The following SPAG16 variants were observed in gnomAD, a reference collection of about 807,000 sequenced individuals.
SPAG16 encodes the protein sperm-associated antigen 16 protein.
Under a neutral mutation model 80.4 loss-of-function variants are expected in SPAG16, and 86 were observed. That is an observed-to-expected ratio of 1.07 (90% CI 0.90 to 1.28). The LOEUF is 1.28. SPAG16 is among the 50% of genes most tolerant of loss of function. The pLI, the probability that SPAG16 is intolerant of heterozygous loss-of-function variation, is 0.00. For synonymous variants in SPAG16, 294 were observed against 265.9 expected (o/e 1.11, Z -1.03); for missense variants, 870 against 765.3 (o/e 1.14, Z -1.61).
At chr2:213,504,086 A>G (rs1488793212) in intron 10 of SPAG16, among the ~76,000 whole-genome samples, 1 of 152,192 alleles carries the variant, frequency 6.6e-6, no homozygotes, top group African/African-American at 2.4e-5. Flanking sequence ...TCTGATTGGC[A>G]TTATCTTCAC....
rs893260866 is a variant in SPAG16 at position 213,558,870 on chromosome 2, T to C, written c.1070+68780T>C. Among the ~76,000 whole-genome samples, 4 of 152,270 alleles carry C rather than the reference T, an allele frequency of 2.6e-5. No homozygotes were observed. The South Asian group carries it at 8.3e-4, about 32-fold the overall frequency. On this transcript the variant is annotated intron_variant, in intron 10 of 15. Coordinates refer to ENST00000331683, the MANE Select transcript of SPAG16 (RefSeq NM_024532.5). ...TATTTACTTTTTTGCTCTTCTCTCC[T>C]CTCTCATCTTTCCTGAGATGTTTCA... is the stretch of plus-strand genomic sequence containing the variant.
At chr2:213,674,955 A>G (rs1391086739) in intron 10 of SPAG16, among the ~76,000 whole-genome samples, 4 of 150,042 alleles carry the variant, frequency 2.7e-5, no homozygotes, top group Non-Finnish European at 5.9e-5. Flanking sequence ...CTGAGGAATC[A>G]CCACACTGAC....
At chr2:213,605,704 T>G (rs2061234902) in intron 10 of SPAG16, among the ~76,000 whole-genome samples, 1 of 152,112 alleles carries the variant, frequency 6.6e-6, no homozygotes, top group Non-Finnish European at 1.5e-5. Context: ...TTAGCCAGGA[T>G]GGTCTGCATC....
chr2:214,022,073 C>T (rs771814888), intron 13 of SPAG16, among the ~76,000 whole-genome samples: 45 of 152,116 alleles, frequency 3.0e-4, no homozygotes, highest in Non-Finnish European at 4.3e-4. Context: ...CTTTGTACCC[C>T]GTAGAATTTT....
chr2:213,985,118 C>A (rs1249597230), intron 12 of SPAG16, among the ~76,000 whole-genome samples: 1 of 152,038 alleles, frequency 6.6e-6, no homozygotes, highest in African/African-American at 2.4e-5. Flanking sequence ...CTCTGTCTTA[C>A]TGCTTAGAAT....
In SPAG16 at chr2:213,760,559, AC is replaced by A. The variant is rs144506648; in HGVS notation, c.1071-101925del. ...GAAAATGCAATACATTAAAAAAAAA[AC>A]AATTAGACCTAACTCTGTGCAACAA... On this transcript the variant is annotated intron_variant, in intron 10 of 15. Coordinates refer to ENST00000331683, the MANE Select transcript of SPAG16 (RefSeq NM_024532.5). Among the ~76,000 whole-genome samples, 755 of 152,194 alleles carry A rather than the reference AC, an allele frequency of 5.0e-3. 6 individuals carry two copies. The highest frequency in any genetic ancestry group is 0.017 in the African/African-American group (704 of 41,506).
intron 11 of SPAG16, among the ~76,000 whole-genome samples, chr2:213,871,429 A>G (rs1368970391): frequency 6.6e-6 from 1 of 152,056 alleles, no homozygotes; most frequent in Non-Finnish European, 1.5e-5. Context: ...TTTATGTTTT[A>G]ACTTTCTCCA....
chr2:213,388,454 T>C (rs1464854923), intron 9 of SPAG16, among the ~76,000 whole-genome samples: 1 of 152,074 alleles, frequency 6.6e-6, no homozygotes, highest in Non-Finnish European at 1.5e-5. Flanking sequence ...ACTGCATATA[T>C]GGGGAAAATT....
At chr2:213,508,558 G>A (rs1450167776) in intron 10 of SPAG16, among the ~76,000 whole-genome samples, 6 of 151,990 alleles carry the variant, frequency 3.9e-5, no homozygotes, top group African/African-American at 1.2e-4. Context: ...CGGCCTGGGC[G>A]ACAGAGTGAG....
chr2:213,368,811 C>T (rs983814048), intron 8 of SPAG16, among the ~76,000 whole-genome samples: 2 of 152,192 alleles, frequency 1.3e-5, no homozygotes, highest in African/African-American at 4.8e-5. Flanking sequence ...ATCCCATTCA[C>T]AGTTGCTTCA....
intron 15 of SPAG16, among the ~76,000 whole-genome samples, chr2:214,300,689 G>A (rs1433565186): frequency 1.3e-5 from 2 of 151,860 alleles, no homozygotes; most frequent in African/African-American, 4.8e-5. Context: ...ACATAACTAA[G>A]ACATTTAAGA....
chr2:213,511,388 A>G (rs1400146461), intron 10 of SPAG16, among the ~76,000 whole-genome samples: 1 of 152,154 alleles, frequency 6.6e-6, no homozygotes, highest in South Asian at 2.1e-4. Context: ...TTTGGAAAAA[A>G]TGTATAGTTA....
Position 213,980,725 on chromosome 2 carries a change from T to TATATATATATAGAG in SPAG16, c.1401-33225_1401-33224insTATATATATAGAGA, listed in dbSNP as rs374274176. Among the ~76,000 whole-genome samples, 333 of 103,940 alleles carry TATATATATATAGAG rather than the reference T, an allele frequency of 3.2e-3. 11 individuals carry two copies. Among genetic ancestry groups the TATATATATATAGAG allele is most frequent in the African/African-American group, 0.016 (315 of 20,042 alleles). 68.2% of individuals were successfully genotyped at this position (103,940 alleles called of 152,430 possible). ...GTGTGTGTGTGTGTATATATATATATAGAGAGAGAGAGAGAGAGAGAGAGA... is the reference window on the plus strand; with the variant it reads ...GTGTGTGTGTGTGTATATATATATATATATATATATAGAGAGAGAGAGAGAGAGAGAGAGAGAGA... On this transcript the variant is annotated intron_variant, in intron 12 of 15. Transcript: ENST00000331683.
At chr2:214,118,565 G>A (rs540441295) in intron 14 of SPAG16, among the ~76,000 whole-genome samples, 5 of 152,186 alleles carry the variant, frequency 3.3e-5, no homozygotes, top group African/African-American at 7.2e-5. Context: ...ACATGGTGGC[G>A]GCAGAAGTGC....
intron 13 of SPAG16, among the ~76,000 whole-genome samples, chr2:214,053,744 G>C (rs903733578): frequency 2.0e-5 from 3 of 152,292 alleles, no homozygotes; most frequent in African/African-American, 4.8e-5. Flanking sequence ...GAAAGAAGTA[G>C]CTTGACCAGA....
chr2:213,322,573 T>C (rs2063672279), intron 5 of SPAG16, among the ~76,000 whole-genome samples: 1 of 152,162 alleles, frequency 6.6e-6, no homozygotes, highest in African/African-American at 2.4e-5. Context: ...GTTCTGCCCC[T>C]CCTTCTACCT....
At chr2:213,396,975 A>C (rs1015608945) in intron 9 of SPAG16, among the ~76,000 whole-genome samples, 1 of 152,144 alleles carries the variant, frequency 6.6e-6, no homozygotes, top group Non-Finnish European at 1.5e-5. Flanking sequence ...TCAGTCAACA[A>C]AAAAGTCCTT....
In SPAG16 at chr2:213,310,185, A is replaced by C. The variant is rs953664720; in HGVS notation, c.398+8A>C. On this transcript the variant is annotated splice_region_variant and intron_variant, in intron 4 of 15. Coordinates refer to ENST00000331683, the MANE Select transcript of SPAG16 (RefSeq NM_024532.5). Reference sequence around the variant, plus strand: ...TTGCTTTCAGTCTGAATGGTAAACAATTATGTAGATAAATAGTTCTCTTAA... The same window carrying C: ...TTGCTTTCAGTCTGAATGGTAAACACTTATGTAGATAAATAGTTCTCTTAA... The C allele has an allele frequency of 2.6e-6, 4 of 1,522,832 alleles. No individual in the cohort carries two copies. The South Asian group carries it at 4.6e-5, about 17-fold the overall frequency. The allele number at this position is 1,522,832 out of a possible 1,614,324, so 94.3% of individuals were successfully genotyped here.
intron 12 of SPAG16, among the ~76,000 whole-genome samples, chr2:213,984,378 C>G (rs560500043): frequency 6.6e-6 from 1 of 152,200 alleles, no homozygotes; most frequent in African/African-American, 2.4e-5. Context: ...ATACAATATA[C>G]AAAATGCTAT....
Sources: allele counts gnomAD v4.1 joint callset (sites outside exome capture counted in the v4.1 genomes callset), GRCh38; gene constraint gnomAD v4.1.1; transcripts MANE v1.5; gene names NCBI Gene and HGNC (gene_info 2026-07-23, HGNC 2026-07-21).